Variants in LRMDA observed in about 807,000 individuals in gnomAD.
LRMDA encodes leucine rich melanocyte differentiation associated.
In LRMDA, 18 loss-of-function variants were observed where a neutral mutation model predicts 29.8. The ratio of observed to expected loss-of-function variants is 0.60; its 90% CI spans 0.42 to 0.90. The LOEUF (loss-of-function observed/expected upper bound fraction) is 0.90, where lower values mean the gene tolerates loss of function less well. Ranked by LOEUF, LRMDA falls within the 40% of genes least tolerant of loss-of-function variation. The probability of loss-of-function intolerance (pLI) is 0.00; values close to 1 mark genes in which losing one functional copy is unlikely to be tolerated. For missense variants in LRMDA, 273 were observed against 273.9 expected, an observed-to-expected ratio of 1.00 and a Z score of 0.02; for synonymous variants, 125 against 109.4, an observed-to-expected ratio of 1.14 and a Z score of -0.89.
intron 2 of LRMDA, among the ~76,000 whole-genome samples, chr10:75,453,689 T>A (rs1273211729): frequency 6.6e-6 from 1 of 152,152 alleles, no homozygotes; most frequent in Non-Finnish European, 1.5e-5. Flanking sequence ...TAAAATGCAT[T>A]TTGGGGGTTG....
chr10:76,375,277 A>G (rs1841502787), intron 6 of LRMDA, among the ~76,000 whole-genome samples: 1 of 151,338 alleles, frequency 6.6e-6, no homozygotes, highest in Non-Finnish European at 1.5e-5. Flanking sequence ...AAACTCATAC[A>G]GAAAAAAAGG....
Position 75,733,666 on chromosome 10 carries a change from C to T in LRMDA, c.131+295172C>T, listed in dbSNP as rs545309224. Among the ~76,000 whole-genome samples, 27 of 152,208 alleles carry T rather than the reference C, an allele frequency of 1.8e-4. No homozygotes were observed. In the South Asian group the frequency reaches 4.4e-3, roughly 25 times the overall value. On this transcript the variant is annotated intron_variant, in intron 2 of 6. Coordinates refer to ENST00000611255, the MANE Select transcript of LRMDA (RefSeq NM_001305581.2). ...TACCTTGAAGTTTGCTGCTTCTTGC[C>T]GTGCCATTGCTGGAAGGGAAAGGAA...
intron 5 of LRMDA, chr10:76,318,786 T>G (rs1840732172): frequency 6.6e-6 from 1 of 152,294 alleles, no homozygotes; most frequent in African/African-American, 2.4e-5. Flanking sequence ...GGTGGGAAGC[T>G]TCAGCCTTCT....
rs1393843645 is a variant in LRMDA at position 76,047,155 on chromosome 10, C to G, written c.259-9C>G. ...GTCTTACTGGACCAAGATTCTTAACCTTTGTCACATCACTGATTTGGAGAA... is the reference window on the plus strand; with the variant it reads ...GTCTTACTGGACCAAGATTCTTAACGTTTGTCACATCACTGATTTGGAGAA... On this transcript the variant is annotated splice_polypyrimidine_tract_variant and intron_variant, in intron 3 of 6. Transcript: ENST00000611255. 2 of 1,613,850 alleles carry G rather than the reference C, an allele frequency of 1.2e-6. No individual in the cohort carries two copies. The highest frequency in any genetic ancestry group is 2.2e-5 in the East Asian group (1 of 44,878).
In LRMDA at chr10:75,452,771, A is replaced by G. The variant is rs1006784195; in HGVS notation, c.131+14277A>G. Among the ~76,000 whole-genome samples, 31 of 152,112 alleles carry G rather than the reference A, an allele frequency of 2.0e-4. 2 individuals carry two copies. The highest frequency in any genetic ancestry group is 1.9e-4 in the East Asian group (1 of 5,192). ...GCAATTTTAATTCTGTGTTGTGCATATAATCCTTCATGACCTCATGTGGAA... is the reference window on the plus strand; with the variant it reads ...GCAATTTTAATTCTGTGTTGTGCATGTAATCCTTCATGACCTCATGTGGAA... On this transcript the variant is annotated intron_variant, in intron 2 of 6. Coordinates refer to ENST00000611255, the MANE Select transcript of LRMDA (RefSeq NM_001305581.2).
chr10:75,797,833 G>A (rs1289240885), intron 2 of LRMDA, among the ~76,000 whole-genome samples: 1 of 152,148 alleles, frequency 6.6e-6, no homozygotes, highest in East Asian at 1.9e-4. Flanking sequence ...TCACATATAA[G>A]TCTTGTGTTG....
At chr10:75,864,281 A>G (rs1159288993) in intron 2 of LRMDA, among the ~76,000 whole-genome samples, 2 of 152,254 alleles carry the variant, frequency 1.3e-5, no homozygotes, top group Non-Finnish European at 2.9e-5. Flanking sequence ...TATAATAGAT[A>G]TGAAAAGACT....
chr10:76,407,277 C>A (rs1841912429), intron 6 of LRMDA, among the ~76,000 whole-genome samples: 1 of 152,178 alleles, frequency 6.6e-6, no homozygotes, highest in Non-Finnish European at 1.5e-5. Flanking sequence ...TGTGGGAAGA[C>A]TCTGTCCTAT....
chr10:75,727,489 C>T (rs947766972), intron 2 of LRMDA, among the ~76,000 whole-genome samples: 1 of 152,166 alleles, frequency 6.6e-6, no homozygotes, highest in African/African-American at 2.4e-5. Context: ...AGGTCACAGG[C>T]TTTATTTGCA....
At chr10:76,237,849 T>C (rs1242877561) in intron 5 of LRMDA, among the ~76,000 whole-genome samples, 1 of 139,758 alleles carries the variant, frequency 7.2e-6, no homozygotes, top group Non-Finnish European at 1.5e-5. Flanking sequence ...TGGAGTGCAA[T>C]GATGTGATCT....
intron 6 of LRMDA, among the ~76,000 whole-genome samples, chr10:76,512,776 A>G (rs1175157250): frequency 2.6e-5 from 4 of 152,158 alleles, no homozygotes; most frequent in Non-Finnish European, 5.9e-5. Context: ...CTTAATTTCT[A>G]TAGGCCTTGT....
At chr10:75,775,695 C>G (rs1191121353) in intron 2 of LRMDA, among the ~76,000 whole-genome samples, 1 of 152,206 alleles carries the variant, frequency 6.6e-6, no homozygotes, top group African/African-American at 2.4e-5. Flanking sequence ...TGAGCTACTC[C>G]AAAGGAATCT....
chr10:75,748,765 A>T (rs927955560), intron 2 of LRMDA, among the ~76,000 whole-genome samples: 3 of 152,254 alleles, frequency 2.0e-5, no homozygotes, highest in African/African-American at 7.2e-5. Flanking sequence ...AATAGAAAAT[A>T]TCAGAGTTCA....
chr10:76,240,454 A>G (rs972171507), intron 5 of LRMDA, among the ~76,000 whole-genome samples: 1 of 148,034 alleles, frequency 6.8e-6, no homozygotes, highest in Non-Finnish European at 1.5e-5. Flanking sequence ...TATACATGTT[A>G]TATATTATAT....
At chr10:75,814,686 C>T (rs1345973089) in intron 2 of LRMDA, among the ~76,000 whole-genome samples, 1 of 152,102 alleles carries the variant, frequency 6.6e-6, no homozygotes, top group African/African-American at 2.4e-5. Flanking sequence ...AAATGATTCC[C>T]CTCTTGGTAT....
At chr10:76,188,610 T>G (rs1007930245) in intron 5 of LRMDA, among the ~76,000 whole-genome samples, 1 of 150,626 alleles carries the variant, frequency 6.6e-6, no homozygotes, top group African/African-American at 2.5e-5. Context: ...ACTTCCAAAG[T>G]GTACATACAA....
intron 2 of LRMDA, among the ~76,000 whole-genome samples, chr10:75,965,916 G>C (rs1232870548): frequency 2.6e-5 from 4 of 152,226 alleles, no homozygotes; most frequent in Non-Finnish European, 5.9e-5. Flanking sequence ...GTGAAGCTCA[G>C]TGAAGCCCAA....
At chr10:75,946,639 A>G (rs1188673049) in intron 2 of LRMDA, among the ~76,000 whole-genome samples, 2 of 152,192 alleles carry the variant, frequency 1.3e-5, no homozygotes, top group Non-Finnish European at 1.5e-5. Flanking sequence ...TGGATGCTCT[A>G]CAAGTAGGCA....
At chr10:76,450,547 T>G (rs1190796139) in intron 6 of LRMDA, among the ~76,000 whole-genome samples, 2 of 152,176 alleles carry the variant, frequency 1.3e-5, no homozygotes, top group Non-Finnish European at 2.9e-5. Flanking sequence ...TTGTGATAAA[T>G]TTTCTGTTCC....
Sources: allele counts gnomAD v4.1 joint callset (sites outside exome capture counted in the v4.1 genomes callset), GRCh38; gene constraint gnomAD v4.1.1; transcripts MANE v1.5; gene names NCBI Gene and HGNC (gene_info 2026-07-23, HGNC 2026-07-21).